Variants in ZNF521 observed in about 807,000 individuals in gnomAD.
ZNF521 encodes LYST-interacting protein 3.
Under a neutral mutation model 105.5 loss-of-function variants are expected in ZNF521, and 14 were observed. The ratio of observed to expected loss-of-function variants is 0.13; its 90% CI spans 0.09 to 0.21. ZNF521 has a LOEUF of 0.21. ZNF521 is among the 10% of genes least tolerant of loss of function. The pLI is 1.00. For synonymous variants in ZNF521, 635 were observed against 606.0 expected, an observed-to-expected ratio of 1.05 and a Z score of -0.70; for missense variants, 1,233 against 1,629.7, an observed-to-expected ratio of 0.76 and a Z score of 4.19.
intron 5 of ZNF521, among the ~76,000 whole-genome samples, chr18:25,176,746 C>T (rs2144577460): frequency 1.3e-5 from 2 of 152,314 alleles, no homozygotes; most frequent in African/African-American, 4.8e-5. Context: ...CAGATTACAC[C>T]AGCTTGCCCA....
At chr18:25,281,077 T>C (rs1457702710) in intron 3 of ZNF521, among the ~76,000 whole-genome samples, 2 of 152,282 alleles carry the variant, frequency 1.3e-5, no homozygotes, top group East Asian at 3.9e-4. Context: ...TATCAACAAA[T>C]AATGGACTTA....
At chr18:25,084,190 C>T (rs2033570613) in intron 7 of ZNF521, among the ~76,000 whole-genome samples, 1 of 139,696 alleles carries the variant, frequency 7.2e-6, no homozygotes, top group African/African-American at 2.5e-5. Flanking sequence ...TCCTAAAGGC[C>T]TCATCACATA....
At chr18:25,300,383 TTATTGTAGCAATATGA>T (rs1600276847) in intron 3 of ZNF521, among the ~76,000 whole-genome samples, 1 of 152,206 alleles carries the variant, frequency 6.6e-6, no homozygotes, top group East Asian at 1.9e-4. Flanking sequence ...CTATAGTACT[TTATTGTAGCAATATGA>T]TAGGTAGACA....
intron 4 of ZNF521, among the ~76,000 whole-genome samples, chr18:25,222,972 C>T (rs996875596): frequency 6.6e-6 from 1 of 152,156 alleles, no homozygotes; most frequent in Non-Finnish European, 1.5e-5. Context: ...ACAAAATATT[C>T]TTATCTGGAG....
At chr18:25,346,234 G>A (rs1308696836) in intron 2 of ZNF521, among the ~76,000 whole-genome samples, 1 of 151,510 alleles carries the variant, frequency 6.6e-6, no homozygotes, top group African/African-American at 2.4e-5. Context: ...TTACTGATGA[G>A]GTTTTTTTTT....
rs535773584 is a variant in ZNF521 at position 25,225,420 on chromosome 18, C to G, written c.2498G>C (p.Cys833Ser). 6.2e-7 allele frequency: 1 copy of G among 1,614,180 alleles called. No individual in the cohort carries two copies. Among genetic ancestry groups the G allele is most frequent in the Non-Finnish European group, 8.5e-7 (1 of 1,180,028 alleles). The change falls in exon 4 of 8, where the codon TGT becomes TCT. Residue 833 changes from cysteine to serine, a missense_variant. By Grantham distance (112) the Cys-to-Ser change is moderately radical (BLOSUM62 -1). Transcript: ENST00000361524. The surrounding 1 kb of genome is among the most constrained non-coding windows in gnomAD (Gnocchi z 5.6). ...LLEKHLREKHCVFETKTPNCG... is the reference protein window; with the variant it reads ...LLEKHLREKHSVFETKTPNCG... ...GTTGGGTGTCTTGGTTTCGAATACA[C>G]AGTGTTTTTCTCGCAAGTGTTTTTC...
chr18:25,164,222 A>C (rs185509035), intron 5 of ZNF521, among the ~76,000 whole-genome samples: 451 of 152,318 alleles, frequency 3.0e-3, no homozygotes, highest in African/African-American at 0.01. Context: ...ATACTCCTGC[A>C]GCTTCTGTGC....
At position 25,225,093 on chromosome 18, in the gene ZNF521, T is replaced by A. The variant is rs146151997; in HGVS notation, c.2825A>T (p.Glu942Val). 5.8e-5 allele frequency: 93 copies of A among 1,614,042 alleles called. No individual in the cohort carries two copies. The highest frequency in any genetic ancestry group is 7.8e-5 in the Non-Finnish European group (92 of 1,180,022). Residue 942 changes from glutamate (E) to valine (V), a missense_variant, in exon 4 of 8, where the codon GAA becomes GTA. By Grantham distance (121) the Glu-to-Val change is moderately radical. Around this residue, in one of 6 missense-constraint regions of ZNF521, gnomAD observed 614 missense variants for 751.5 expected, o/e 0.82. Coordinates refer to ENST00000361524, the MANE Select transcript of ZNF521 (RefSeq NM_015461.3). This position sits in a 1 kb window ranked among gnomAD's most constrained non-coding sequence, Gnocchi z 5.6. The stretch of plus-strand genomic sequence containing the variant: ...CTGCATATGTTCCCGGAGGCCATTT[T>A]CGGAGAAGAAGGTTCGAGAGCACAC... Reference protein sequence around the residue: ...CNVCSRTFFSENGLREHMQTH... With the variant: ...CNVCSRTFFSVNGLREHMQTH...
rs748749815 is a variant in ZNF521 at position 25,227,029 on chromosome 18, T to C, written c.889A>G (p.Met297Val). The C allele has an allele frequency of 5.6e-6, 9 of 1,614,068 alleles. No individual in the cohort carries two copies. Among genetic ancestry groups the C allele is most frequent in the Non-Finnish European group, 5.9e-6 (7 of 1,180,020 alleles). Residue 297 changes from methionine to valine, a missense_variant, in exon 4 of 8, where the codon ATG (methionine) becomes GTG (valine). Met to Val is a conservative substitution (Grantham distance 21). Transcript: ENST00000361524. This position sits in a 1 kb window ranked among gnomAD's most constrained non-coding sequence, Gnocchi z 5.7. Reference protein sequence around the residue: ...HELFVEETSLMNHMEQVHSGE... With the variant: ...HELFVEETSLVNHMEQVHSGE... ...CTATGCACCTGCTCCATGTGGTTCA[T>C]GAGGGAGGTCTCCTCTACGAAGAGC...
intron 3 of ZNF521, among the ~76,000 whole-genome samples, chr18:25,294,631 C>A (rs1177733350): frequency 6.6e-6 from 1 of 151,820 alleles, no homozygotes; most frequent in African/African-American, 2.4e-5. Context: ...CTGAGCGGGG[C>A]AGATCACAAG....
chr18:25,291,462 T>C (rs1488766227), intron 3 of ZNF521, among the ~76,000 whole-genome samples: 1 of 152,186 alleles, frequency 6.6e-6, no homozygotes, highest in Non-Finnish European at 1.5e-5. Flanking sequence ...GTAGTGGAAT[T>C]AAACACAGCT....
intron 2 of ZNF521, among the ~76,000 whole-genome samples, chr18:25,331,089 C>T (rs766207799): frequency 6.6e-6 from 1 of 152,170 alleles, no homozygotes; most frequent in Non-Finnish European, 1.5e-5. Context: ...ACTCTTCCAA[C>T]TACCCTGATG....
chr18:25,210,979 A>C (rs2036168969), intron 4 of ZNF521, among the ~76,000 whole-genome samples: 1 of 152,250 alleles, frequency 6.6e-6, no homozygotes, highest in Admixed American at 6.5e-5. Flanking sequence ...GGAATTAATA[A>C]ATCTGTTATC....
intron 2 of ZNF521, among the ~76,000 whole-genome samples, chr18:25,326,921 T>C (rs1410185167): frequency 1.3e-5 from 2 of 152,154 alleles, no homozygotes; most frequent in African/African-American, 4.8e-5. Context: ...TGTCACCAAA[T>C]TAAACAGCCA....
At chr18:25,282,939 G>T (rs1432547119) in intron 3 of ZNF521, among the ~76,000 whole-genome samples, 2 of 152,226 alleles carry the variant, frequency 1.3e-5, no homozygotes, top group Admixed American at 1.3e-4. Context: ...TAGGGAGCCA[G>T]ATTCAAGTGT....
At chr18:25,136,074 A>G (rs1049650896) in intron 5 of ZNF521, among the ~76,000 whole-genome samples, 15 of 152,160 alleles carry the variant, frequency 9.9e-5, no homozygotes, top group African/African-American at 3.1e-4. Flanking sequence ...TCAATAAGCT[A>G]TTTTGTTAAA....
intron 3 of ZNF521, among the ~76,000 whole-genome samples, chr18:25,244,400 T>C (rs1907563128): frequency 6.6e-6 from 1 of 152,110 alleles, no homozygotes; most frequent in African/African-American, 2.4e-5. Context: ...ACAGCAGTCC[T>C]TGCTTTCAGG....
chr18:25,198,283 A>G (rs1294793701), intron 4 of ZNF521, among the ~76,000 whole-genome samples: 1 of 151,856 alleles, frequency 6.6e-6, no homozygotes, highest in Non-Finnish European at 1.5e-5. Context: ...AGAACAATTT[A>G]AATGTGCCTT....
chr18:25,282,645 G>C (rs879391279), intron 3 of ZNF521, among the ~76,000 whole-genome samples: 2 of 152,130 alleles, frequency 1.3e-5, no homozygotes, highest in Non-Finnish European at 2.9e-5. Flanking sequence ...CAGGGCATCA[G>C]AGGGATCTTT....
Sources: gnomAD v4.1 joint callset for allele counts (sites outside exome capture counted in the v4.1 genomes callset) on GRCh38, gnomAD v4.1.1 for gene constraint, gnomAD v4.1.1 regional missense constraint, Gnocchi (gnomAD v3.1) non-coding constraint, MANE v1.5 for transcripts, NCBI Gene and HGNC (gene_info 2026-07-23, HGNC 2026-07-21) for gene names.